Variants in SYT9 observed in about 807,000 individuals in gnomAD.
SYT9 encodes synaptotagmin-9.
In SYT9, 22 loss-of-function variants were observed where a neutral mutation model predicts 48.4. The observed-to-expected ratio is 0.45, with a 90% CI of 0.32 to 0.65. The LOEUF is 0.65. Among genes scored for constraint, SYT9 ranks in the 30% least tolerant of loss-of-function variants. The probability of loss-of-function intolerance (pLI) is 0.03; values close to 1 mark genes in which losing one functional copy is unlikely to be tolerated. For synonymous variants in SYT9, 265 were observed against 245.0 expected (o/e 1.08, Z -0.76); for missense variants, 577 against 622.0 (o/e 0.93, Z 0.77).
At chr11:7,313,349 T>C (rs1849175295) in intron 2 of SYT9, 46 bp from the exon 3 acceptor site, 3 of 1,537,392 alleles carry the variant, frequency 2.0e-6, no homozygotes, top group Non-Finnish European at 2.6e-6. Flanking sequence ...GAGAGACCCA[T>C]AGCTAATAAG....
Position 7,252,448 on chromosome 11 carries a change from C to G in SYT9, c.145+117C>G. 13 of 1,162,208 alleles carry G rather than the reference C, an allele frequency of 1.1e-5. No homozygotes were observed. Among genetic ancestry groups the G allele is most frequent in the Non-Finnish European group, 1.5e-5 (13 of 894,862 alleles). 72.0% of individuals were successfully genotyped at this position (1,162,208 alleles called of 1,614,324 possible). On this transcript the variant is annotated intron_variant, in intron 1 of 6. Transcript: ENST00000318881. This position sits in a 1 kb window ranked among gnomAD's most constrained non-coding sequence, Gnocchi z 6.3. ...ACTGGGAGAGGGCGGGGGGCGGCCACCGAGCCAGGAGAGTGATCAAGAACC... is the reference window on the plus strand; with the variant it reads ...ACTGGGAGAGGGCGGGGGGCGGCCAGCGAGCCAGGAGAGTGATCAAGAACC...
chr11:7,250,183 G>A (rs1171646636), upstream of SYT9, among the ~76,000 whole-genome samples: 2 of 152,142 alleles, frequency 1.3e-5, no homozygotes, highest in Non-Finnish European at 1.5e-5. Flanking sequence ...GTTTTGAAAC[G>A]TTTGTGCCTT....
intron 5 of SYT9, 91 bp from the exon 6 acceptor site, chr11:7,420,415 C>T: frequency 6.7e-7 from 1 of 1,486,110 alleles, no homozygotes. Context: ...CAAAAAACCA[C>T]ATCCCCAATT....
Position 7,324,189 on chromosome 11 carries a change from A to G in SYT9, c.1044+10248A>G, listed in dbSNP as rs561802923. 1.6e-4 allele frequency among the ~76,000 whole-genome samples: 24 copies of G among 151,926 alleles called. No individual in the cohort carries two copies. In the South Asian group the frequency reaches 3.3e-3, roughly 21 times the overall value. ...TTCTAGAAATTTGCTTATTTCATCT[A>G]TGTTTTGAATGTATTGTCTTAAAGT... On this transcript the variant is annotated intron_variant, in intron 3 of 6. Coordinates refer to ENST00000318881, the MANE Select transcript of SYT9 (RefSeq NM_175733.4).
chr11:7,385,971 A>C (rs1254496095), intron 3 of SYT9, among the ~76,000 whole-genome samples: 1 of 152,226 alleles, frequency 6.6e-6, no homozygotes, highest in African/African-American at 2.4e-5. Flanking sequence ...TATCTTCACA[A>C]TATTGAGTCT....
At chr11:7,271,463 G>A (rs1173609006) in intron 1 of SYT9, among the ~76,000 whole-genome samples, 1 of 152,194 alleles carries the variant, frequency 6.6e-6, no homozygotes, top group East Asian at 1.9e-4. Flanking sequence ...GCCCAGGCCC[G>A]CCAGTCATGC....
chr11:7,417,502 C>A (rs1847274193), intron 4 of SYT9, among the ~76,000 whole-genome samples: 1 of 152,176 alleles, frequency 6.6e-6, no homozygotes. Context: ...AGGAATTCCA[C>A]TCCCAGATGT....
chr11:7,261,259 A>G (rs892227019), intron 1 of SYT9, among the ~76,000 whole-genome samples: 1 of 152,220 alleles, frequency 6.6e-6, no homozygotes, highest in Non-Finnish European at 1.5e-5. Flanking sequence ...TATCAGCTGT[A>G]GCACTGCAGA....
chr11:7,408,665 T>G (rs1847072752), intron 3 of SYT9, among the ~76,000 whole-genome samples: 1 of 152,230 alleles, frequency 6.6e-6, no homozygotes, highest in South Asian at 2.1e-4. Context: ...TGCTACTGAT[T>G]TTTGTATGTT....
intron 6 of SYT9, among the ~76,000 whole-genome samples, chr11:7,455,718 C>A (rs536615710): frequency 1.2e-4 from 18 of 152,204 alleles, no homozygotes; most frequent in African/African-American, 3.4e-4. Context: ...GAAAGGAGAA[C>A]GTGAAGGTCC....
At chr11:7,370,377 G>C (rs1283651378) in intron 3 of SYT9, among the ~76,000 whole-genome samples, 4 of 152,042 alleles carry the variant, frequency 2.6e-5, no homozygotes, top group Non-Finnish European at 5.9e-5. Context: ...TTTGAAGCCA[G>C]ATACAACAGA....
intron 3 of SYT9, among the ~76,000 whole-genome samples, chr11:7,375,985 A>T (rs1306215801): frequency 6.6e-6 from 1 of 152,042 alleles, no homozygotes; most frequent in African/African-American, 2.4e-5. Flanking sequence ...CCTGCTTAAA[A>T]TTTTATTTCT....
intron 3 of SYT9, among the ~76,000 whole-genome samples, chr11:7,363,039 T>A (rs370568259): frequency 0.051 from 4,359 of 85,754 alleles, 203 homozygotes; most frequent in African/African-American, 0.12. Context: ...ATTATACCTT[T>A]CTTTTGCTCT....
intron 3 of SYT9, among the ~76,000 whole-genome samples, chr11:7,414,425 C>A (rs920112520): frequency 5.9e-5 from 9 of 152,246 alleles, no homozygotes; most frequent in African/African-American, 2.2e-4. Flanking sequence ...TCTTTCCTTT[C>A]TGCCACCAGC....
At chr11:7,348,120 C>T (rs1035574550) in intron 3 of SYT9, among the ~76,000 whole-genome samples, 1 of 152,204 alleles carries the variant, frequency 6.6e-6, no homozygotes, top group Non-Finnish European at 1.5e-5. Context: ...AGTCCCCCAT[C>T]AGGTCATGCA....
chr11:7,433,686 T>C (rs1365113953), intron 6 of SYT9, among the ~76,000 whole-genome samples: 1 of 152,284 alleles, frequency 6.6e-6, no homozygotes, highest in East Asian at 1.9e-4. Flanking sequence ...CAAGGAAACT[T>C]GTTTGCCCCT....
rs997050804 is a variant in SYT9, at chr11:7,467,004, G to A, written c.*204G>A. On this transcript the variant is annotated 3_prime_UTR_variant, in exon 7 of 7. Coordinates refer to ENST00000318881, the MANE Select transcript of SYT9 (RefSeq NM_175733.4). ...AGCCACCTTCTGCAGGTGGCCCAAG[G>A]TGATGTGCTGCAGGGAAGCATGTCT... 8.3e-6 allele frequency: 5 copies of A among 602,976 alleles called. No individual in the cohort carries two copies. Among genetic ancestry groups the A allele is most frequent in the Non-Finnish European group, 1.2e-5 (4 of 334,870 alleles). 37.4% of individuals were successfully genotyped at this position (602,976 alleles called of 1,614,324 possible).
At chr11:7,426,282 G>A (rs2134112229) in intron 6 of SYT9, among the ~76,000 whole-genome samples, 1 of 152,174 alleles carries the variant, frequency 6.6e-6, no homozygotes, top group South Asian at 2.1e-4. Context: ...ATCATGGCTG[G>A]TGTAACTGTG....
intron 3 of SYT9, among the ~76,000 whole-genome samples, chr11:7,333,719 T>C (rs546536440): frequency 3.5e-4 from 53 of 152,216 alleles, no homozygotes; most frequent in African/African-American, 1.3e-3. Flanking sequence ...CTGAGAAAAA[T>C]CCAATTTGCA....
Sources: gnomAD v4.1 joint callset for allele counts (sites outside exome capture counted in the v4.1 genomes callset) on GRCh38, gnomAD v4.1.1 for gene constraint, Gnocchi (gnomAD v3.1) non-coding constraint, MANE v1.5 for transcripts, NCBI Gene and HGNC (gene_info 2026-07-23, HGNC 2026-07-21) for gene names.